DPYSL5: variants seen among roughly 807,000 people sequenced by gnomAD.
The protein encoded by DPYSL5 is dihydropyrimidinase like 5.
A neutral mutation model predicts 58.4 loss-of-function variants in DPYSL5; 9 were observed. The ratio of observed to expected loss-of-function variants is 0.15; its 90% confidence interval spans 0.09 to 0.27. DPYSL5 has a LOEUF of 0.27. Among genes scored for constraint, DPYSL5 ranks in the 10% least tolerant of loss-of-function variants. The pLI is 1.00. For missense variants in DPYSL5, 499 were observed against 770.6 expected (o/e 0.65, Z 4.17); for synonymous variants, 293 against 301.9 (o/e 0.97, Z 0.31).
At chr2:26,922,255 C>T (rs940074989) in intron 2 of DPYSL5, among the ~76,000 whole-genome samples, 1 of 152,202 alleles carries the variant, frequency 6.6e-6, no homozygotes, top group African/African-American at 2.4e-5. Flanking sequence ...GTGGACAGAG[C>T]TTAGGTCTGC....
intron 2 of DPYSL5, among the ~76,000 whole-genome samples, chr2:26,916,273 C>A (rs1419839231): frequency 6.6e-6 from 1 of 152,138 alleles, no homozygotes; most frequent in African/African-American, 2.4e-5. Flanking sequence ...TACACTACAG[C>A]CAGAGTAATG....
chr2:26,930,778 T>C (rs888513564), intron 5 of DPYSL5, among the ~76,000 whole-genome samples: 1 of 151,874 alleles, frequency 6.6e-6, no homozygotes, highest in African/African-American at 2.4e-5. Context: ...ATCGAGACCA[T>C]CCTGGCTAAC....
At position 26,940,055 on chromosome 2, in the gene DPYSL5, A is replaced by ACCACATGGAGT; in HGVS notation, c.972_973insCCACATGGAGT (p.Asp325ProfsTer28). On this transcript the variant is annotated frameshift_variant, in exon 9 of 13. Coordinates refer to ENST00000288699, the MANE Select transcript of DPYSL5 (RefSeq NM_020134.4). LOFTEE classifies it high-confidence loss of function. Reference sequence around the variant, plus strand: ...GTGACACTCTGAACATCGTGGCATCAGATCACCGGCCTTTCACCACAAAGC... The same window carrying ACCACATGGAGT: ...GTGACACTCTGAACATCGTGGCATCACCACATGGAGTGATCACCGGCCTTTCACCACAAAGC... 1 of 1,614,238 alleles carries ACCACATGGAGT rather than the reference A, an allele frequency of 6.2e-7. No homozygotes were observed. Among genetic ancestry groups the ACCACATGGAGT allele is most frequent in the South Asian group, 1.1e-5 (1 of 91,086 alleles).
chr2:26,864,780 T>C (rs1365098954), intron 1 of DPYSL5, among the ~76,000 whole-genome samples: 1 of 152,092 alleles, frequency 6.6e-6, no homozygotes, highest in East Asian at 1.9e-4. Context: ...CAGGGAGGCT[T>C]GGGCAGCAGG....
chr2:26,865,849 C>T (rs1241272027), intron 1 of DPYSL5, among the ~76,000 whole-genome samples: 1 of 152,162 alleles, frequency 6.6e-6, no homozygotes, highest in African/African-American at 2.4e-5. Flanking sequence ...GATGTCAACA[C>T]AGATATCTGT....
intron 1 of DPYSL5, among the ~76,000 whole-genome samples, chr2:26,890,433 ATAT>A (rs1053062059): frequency 7.2e-5 from 11 of 152,232 alleles, no homozygotes; most frequent in Admixed American, 4.6e-4. Flanking sequence ...CTGTGCTACG[ATAT>A]TATCCAAACA....
Position 26,877,429 on chromosome 2 carries a change from G to A in DPYSL5, c.-4-21067G>A, listed in dbSNP as rs569812215. On this transcript the variant is annotated intron_variant, in intron 1 of 12. Transcript: ENST00000288699. The surrounding 1 kb of genome is among the most constrained non-coding windows in gnomAD (Gnocchi z 4.1). ...CATGTAACTCATGGATGCAGGGGACGCACATTGTCTGCATTCCTGTTTTCT... is the reference window on the plus strand; with the variant it reads ...CATGTAACTCATGGATGCAGGGGACACACATTGTCTGCATTCCTGTTTTCT... Among the ~76,000 whole-genome samples, 4 of 152,206 alleles carry A rather than the reference G, an allele frequency of 2.6e-5. No homozygotes were observed. The highest frequency in any genetic ancestry group is 7.2e-5 in the African/African-American group (3 of 41,526).
chr2:26,930,876 G>A (rs1290130956), intron 5 of DPYSL5, among the ~76,000 whole-genome samples: 4 of 151,512 alleles, frequency 2.6e-5, no homozygotes, highest in African/African-American at 4.8e-5. Context: ...CGGGAGGCTG[G>A]GGCAGGAGAA....
At chr2:26,890,575 C>T (rs576972424) in intron 1 of DPYSL5, among the ~76,000 whole-genome samples, 1 of 152,336 alleles carries the variant, frequency 6.6e-6, no homozygotes, top group Non-Finnish European at 1.5e-5. Context: ...TGGGCCATCA[C>T]TCACACTGCG....
chr2:26,897,612 G>A (rs1664051848), intron 1 of DPYSL5, among the ~76,000 whole-genome samples: 2 of 152,124 alleles, frequency 1.3e-5, no homozygotes, highest in South Asian at 2.1e-4. Flanking sequence ...ATATTGCTCT[G>A]TAGTTTTCTT....
rs773777628 is a variant in DPYSL5 at position 26,934,633 on chromosome 2, C to T, written c.846C>T (p.His282=). The change falls in exon 8 of 13, where the codon CAC becomes CAT. Residue 282 remains histidine (H), a synonymous_variant. Coordinates refer to ENST00000288699, the MANE Select transcript of DPYSL5 (RefSeq NM_020134.4). This position sits in a 1 kb window ranked among gnomAD's most constrained non-coding sequence, Gnocchi z 4.3. ...TTAHATLTGL[H]YYHQDWSHAA... The stretch of plus-strand genomic sequence containing the variant: ...CACATGCCACGCTGACAGGCTTACA[C>T]TACTACCACCAGGACTGGTCCCACG... 9 of 1,613,902 alleles carry T rather than the reference C, an allele frequency of 5.6e-6. No individual in the cohort carries two copies. Among genetic ancestry groups the T allele is most frequent in the African/African-American group, 1.3e-5 (1 of 74,924 alleles).
intron 1 of DPYSL5, among the ~76,000 whole-genome samples, chr2:26,876,961 CTTTTTTTTTTTT>C (rs10707678): frequency 1.8e-5 from 2 of 112,268 alleles, no homozygotes; most frequent in Non-Finnish European, 3.6e-5. Flanking sequence ...TCCACAGCCA[CTTTTTTTTTTTT>C]TTTTTTTTTT....
In DPYSL5 at chr2:26,924,672, A is replaced by G. The variant is rs1446484230; in HGVS notation, c.262-215A>G. Among the ~76,000 whole-genome samples, 1 of 152,160 alleles carries G rather than the reference A, an allele frequency of 6.6e-6. No homozygotes were observed. The highest frequency in any genetic ancestry group is 2.4e-5 in the African/African-American group (1 of 41,448). ...CTGAAACCCTGGCGGAGGAAGAAGC[A>G]GGTTTGGGGACCCGTGGTCATGATG... On this transcript the variant is annotated intron_variant, in intron 2 of 12. Transcript: ENST00000288699. This position sits in a 1 kb window ranked among gnomAD's most constrained non-coding sequence, Gnocchi z 4.7.
At position 26,887,736 on chromosome 2, in the gene DPYSL5, A is replaced by G. The variant is rs149160150; in HGVS notation, c.-4-10760A>G. On this transcript the variant is annotated intron_variant, in intron 1 of 12. Transcript: ENST00000288699. ...AGCAATAATTGTTACTATTTTAAAC[A>G]TGGAGAGGCTTTCTCATGAAAGACT... Among the ~76,000 whole-genome samples, 1,004 of 148,236 alleles carry G rather than the reference A, an allele frequency of 6.8e-3. 15 individuals are homozygous for G. Among genetic ancestry groups the G allele is most frequent in the African/African-American group, 0.025 (961 of 37,728 alleles).
chr2:26,914,483 T>A (rs1029668796), intron 2 of DPYSL5, among the ~76,000 whole-genome samples: 4 of 152,114 alleles, frequency 2.6e-5, no homozygotes, highest in African/African-American at 9.7e-5. Flanking sequence ...CCTTTGTACT[T>A]AGGAATTTGT....
chr2:26,940,343 C>A (rs1665284069), intron 9 of DPYSL5, among the ~76,000 whole-genome samples, 171 bp downstream of exon 9: 1 of 151,908 alleles, frequency 6.6e-6, no homozygotes, highest in Admixed American at 6.6e-5. Flanking sequence ...CACAAAAGGT[C>A]TTTCCCCCAA....
At chr2:26,886,486 C>T (rs975946092) in intron 1 of DPYSL5, among the ~76,000 whole-genome samples, 7 of 152,054 alleles carry the variant, frequency 4.6e-5, no homozygotes, top group African/African-American at 1.7e-4. Flanking sequence ...AACAAAATAT[C>T]GCCTCTGAAG....
At chr2:26,935,898 G>A (rs1244542837) in intron 8 of DPYSL5, among the ~76,000 whole-genome samples, 1 of 152,128 alleles carries the variant, frequency 6.6e-6, no homozygotes, top group Non-Finnish European at 1.5e-5. Context: ...CACTGGCAAT[G>A]CCTCTGTGAA....
At chr2:26,869,436 C>T (rs1206956781) in intron 1 of DPYSL5, among the ~76,000 whole-genome samples, 1 of 152,136 alleles carries the variant, frequency 6.6e-6, no homozygotes, top group African/African-American at 2.4e-5. Flanking sequence ...CACACAGACA[C>T]TTTGAGGCCA....
Sources: allele counts gnomAD v4.1 joint callset (sites outside exome capture counted in the v4.1 genomes callset), GRCh38; gene constraint gnomAD v4.1.1; non-coding constraint Gnocchi (gnomAD v3.1); transcripts MANE v1.5; gene names NCBI Gene and HGNC (gene_info 2026-07-23, HGNC 2026-07-21).